Variants in FBXO11 observed in about 807,000 individuals in gnomAD.
The protein encoded by FBXO11 is F-box only protein 11.
FBXO11 carries 13 observed loss-of-function variants against 117.0 expected under a neutral mutation model. The observed-to-expected ratio is 0.11, with a 90% CI of 0.07 to 0.18. FBXO11 has a LOEUF of 0.18. Among genes scored for constraint, FBXO11 ranks in the 10% least tolerant of loss-of-function variants. The pLI is 1.00. For synonymous variants in FBXO11, 490 were observed against 380.5 expected (o/e 1.29, Z -3.35); for missense variants, 767 against 1,164.4 (o/e 0.66, Z 4.97).
rs1672804806 is a variant in FBXO11, at chr2:47,838,957, C to T, written c.489G>A (p.Val163=). Residue 163 remains valine (V), a synonymous_variant, in exon 4 of 23, where the codon GTG becomes GTA. Transcript: ENST00000403359. ...QYLQEKLPDE[V]VLKIFSYLLE... Reference sequence around the variant, plus strand: ...GCAAGTAAGAGAAGATTTTTAGAACCACTTCATCTGGCAGTTTCTCCTGAA... The same window carrying T: ...GCAAGTAAGAGAAGATTTTTAGAACTACTTCATCTGGCAGTTTCTCCTGAA... 6 of 1,613,876 alleles carry T rather than the reference C, an allele frequency of 3.7e-6. No homozygotes were observed. The highest frequency in any genetic ancestry group is 2.7e-5 in the African/African-American group (2 of 74,928).
At chr2:47,849,470 G>A (rs918271954) in intron 1 of FBXO11, among the ~76,000 whole-genome samples, 6 of 152,050 alleles carry the variant, frequency 3.9e-5, no homozygotes, top group African/African-American at 1.2e-4. Flanking sequence ...GTGCATTTTC[G>A]TTACTTAGTA....
Position 47,878,155 on chromosome 2 carries a change from C to T in FBXO11, c.232+27334G>A, listed in dbSNP as rs368021652. ...TAAGCAACAATCATACATTCTTTTT[C>T]AGTTTTTTCCTGATTCAGCCCTTTA... On this transcript the variant is annotated intron_variant, in intron 1 of 22. Coordinates refer to ENST00000403359, the MANE Select transcript of FBXO11 (RefSeq NM_001190274.2). 4.3e-4 allele frequency among the ~76,000 whole-genome samples: 65 copies of T among 152,204 alleles called. 1 individual carries two copies. Among genetic ancestry groups the T allele is most frequent in the African/African-American group, 1.5e-3 (62 of 41,540 alleles).
intron 1 of FBXO11, among the ~76,000 whole-genome samples, chr2:47,904,910 T>C (rs867395545): frequency 1.3e-5 from 2 of 151,550 alleles, no homozygotes; most frequent in Non-Finnish European, 2.9e-5. Flanking sequence ...CTGCTCCCCC[T>C]ACCCCGTGAC....
chr2:47,810,882 T>G (rs1670564609), intron 18 of FBXO11: 1 of 152,792 alleles, frequency 6.5e-6, no homozygotes, highest in East Asian at 1.9e-4. Flanking sequence ...ATCTGCTGCA[T>G]AGTTTCCAAT....
At chr2:47,842,166 C>A (rs1673063876) in intron 1 of FBXO11, among the ~76,000 whole-genome samples, 1 of 151,672 alleles carries the variant, frequency 6.6e-6, no homozygotes, top group Non-Finnish European at 1.5e-5. Flanking sequence ...CAGGTGCACG[C>A]CACTATGGCC....
chr2:47,846,428 T>C (rs561060938), intron 1 of FBXO11, among the ~76,000 whole-genome samples: 12 of 152,304 alleles, frequency 7.9e-5, no homozygotes, highest in African/African-American at 2.6e-4. Flanking sequence ...GATCATGCCA[T>C]TGCACTCCAG....
chr2:47,828,127 G>A (rs1671903523), intron 11 of FBXO11, among the ~76,000 whole-genome samples: 1 of 152,114 alleles, frequency 6.6e-6, no homozygotes, highest in African/African-American at 2.4e-5. Flanking sequence ...TTATAGGCGT[G>A]TGCCACCATG....
chr2:47,810,221 AT>A (rs1373605687), intron 19 of FBXO11, 94 bp downstream of exon 19: 3 of 789,792 alleles, frequency 3.8e-6, no homozygotes, highest in Non-Finnish European at 5.8e-6. Context: ...CACTTTGCAC[AT>A]TTTAGTTAAT....
intron 1 of FBXO11, among the ~76,000 whole-genome samples, chr2:47,880,319 G>C (rs1171000624): frequency 1.3e-5 from 2 of 152,074 alleles, no homozygotes; most frequent in Admixed American, 6.6e-5. Context: ...CTTCTGGATT[G>C]AATCAGTATA....
rs78818489 is a variant in FBXO11 at position 47,815,099 on chromosome 2, A to G, written c.2007-1232T>C. On this transcript the variant is annotated intron_variant, in intron 16 of 22. Coordinates refer to ENST00000403359, the MANE Select transcript of FBXO11 (RefSeq NM_001190274.2). Reference sequence around the variant, plus strand: ...TCCTCCACCAAAGTCTTATACCCCTAAAGTCATCCATGAGGGTTGGAAGCA... The same window carrying G: ...TCCTCCACCAAAGTCTTATACCCCTGAAGTCATCCATGAGGGTTGGAAGCA... Among the ~76,000 whole-genome samples the G allele has an allele frequency of 3.8e-3, 573 of 152,256 alleles. 13 individuals are homozygous for G. The East Asian group carries it at 0.067, about 18-fold the overall frequency.
At chr2:47,864,816 G>C (rs1055641150) in intron 1 of FBXO11, among the ~76,000 whole-genome samples, 1 of 152,130 alleles carries the variant, frequency 6.6e-6, no homozygotes, top group African/African-American at 2.4e-5. Context: ...GCAAAGCCTT[G>C]AAATTTACTT....
intron 1 of FBXO11, among the ~76,000 whole-genome samples, chr2:47,854,917 TTTATTA>T (rs1674162499): frequency 6.6e-6 from 1 of 151,914 alleles, no homozygotes; most frequent in South Asian, 2.1e-4. Context: ...CATCAAACCT[TTTATTA>T]AGAGATGGCT....
intron 1 of FBXO11, among the ~76,000 whole-genome samples, chr2:47,855,216 T>C (rs773015447): frequency 1.4e-4 from 22 of 152,032 alleles, no homozygotes; most frequent in Non-Finnish European, 2.8e-4. Context: ...TTTTTTTGTT[T>C]TTGAGACAGG....
At chr2:47,818,351 T>C (rs1375975518) in intron 16 of FBXO11, 2 of 156,580 alleles carry the variant, frequency 1.3e-5, no homozygotes, top group Non-Finnish European at 2.8e-5. Context: ...TCATTAGTAC[T>C]GCTAGAATTC....
Position 47,818,939 on chromosome 2 carries a change from G to C in FBXO11, c.1920+17C>G, listed in dbSNP as rs375522352. 6.2e-7 allele frequency: 1 copy of C among 1,607,930 alleles called. No homozygotes were observed. The highest frequency in any genetic ancestry group is 8.5e-7 in the Non-Finnish European group (1 of 1,178,528). On this transcript the variant is annotated intron_variant, in intron 15 of 22. Transcript: ENST00000403359. ...AAAACAATGTATTTCCCATCCAAGA[G>C]TCCAGGCTAATCCTACCTGCTTGCC...
At chr2:47,812,620 ACTAG>A (rs1355382812) in intron 18 of FBXO11, among the ~76,000 whole-genome samples, 1 of 152,242 alleles carries the variant, frequency 6.6e-6, no homozygotes, top group African/African-American at 2.4e-5. Context: ...TAGAGTAATA[ACTAG>A]CTATTCTATG....
chr2:47,871,962 T>C (rs74706786), intron 1 of FBXO11, among the ~76,000 whole-genome samples: 8,401 of 152,326 alleles, frequency 0.055, 248 homozygotes, highest in Non-Finnish European at 0.069. Context: ...AGCTCATTTT[T>C]GTTCTTTAAT....
intron 1 of FBXO11, among the ~76,000 whole-genome samples, chr2:47,847,930 C>A (rs1673544664): frequency 6.6e-6 from 1 of 151,970 alleles, no homozygotes; most frequent in Non-Finnish European, 1.5e-5. Context: ...TGAGACCATC[C>A]TGGCTAACAC....
At chr2:47,900,602 G>GTATACACGTGTATA (rs1558486215) in intron 1 of FBXO11, among the ~76,000 whole-genome samples, 3 of 90,550 alleles carry the variant, frequency 3.3e-5, no homozygotes, top group Non-Finnish European at 7.2e-5. Flanking sequence ...ATATACACAC[G>GTATACACGTGTATA]TATACACACG....
Sources: allele counts gnomAD v4.1 joint callset (sites outside exome capture counted in the v4.1 genomes callset), GRCh38; gene constraint gnomAD v4.1.1; transcripts MANE v1.5; gene names NCBI Gene and HGNC (gene_info 2026-07-23, HGNC 2026-07-21).